Variants in FOXK1 observed in about 807,000 individuals in gnomAD.
FOXK1 encodes the protein forkhead box K1.
In FOXK1, 19 loss-of-function variants were observed where a neutral mutation model predicts 51.9. The ratio of observed to expected loss-of-function variants is 0.37; its 90% CI spans 0.26 to 0.54. FOXK1 has a LOEUF of 0.54. Ranked by LOEUF, FOXK1 falls within the 20% of genes least tolerant of loss-of-function variation. FOXK1 has a pLI of 0.87. For synonymous variants in FOXK1, 537 were observed against 482.6 expected, an observed-to-expected ratio of 1.11 and a Z score of -1.48; for missense variants, 870 against 1,032.7, an observed-to-expected ratio of 0.84 and a Z score of 2.16.
In FOXK1 at chr7:4,758,749, T is replaced by C; in HGVS notation, c.1245-302T>C. The stretch of plus-strand genomic sequence containing the variant: ...GCACAGAAGGCCTGGGCCATTTTCA[T>C]GGACACCTGGCTGGACCTCGGTGGA... On this transcript the variant is annotated intron_variant, in intron 5 of 8. Transcript: ENST00000328914. The surrounding 1 kb of genome is among the most constrained non-coding windows in gnomAD (Gnocchi z 4.4). 1 of 363,432 alleles carries C rather than the reference T, an allele frequency of 2.8e-6. No homozygotes were observed. Among genetic ancestry groups the C allele is most frequent in the Non-Finnish European group, 5.0e-6 (1 of 201,700 alleles). 22.5% of individuals were successfully genotyped at this position (363,432 alleles called of 1,614,324 possible).
In FOXK1 at chr7:4,765,396, CA is replaced by C. The variant is rs1429035124; in HGVS notation, c.*2933del. The C allele has an allele frequency of 2.0e-5, 3 of 152,294 alleles. No homozygotes were observed. The highest frequency in any genetic ancestry group is 4.4e-5 in the Non-Finnish European group (3 of 68,098). The allele number at this position is 152,294 out of a possible 1,614,324, so 9.4% of individuals were successfully genotyped here. A position where few individuals can be genotyped will look rare whatever the true frequency, so the allele number is the denominator to read the frequency against. ...CTTTCGCAGAAGCAAGAGCACAGGCCAGGGGGACCGGGAGAGCCTCAGCCCC... is the reference window on the plus strand; with the variant it reads ...CTTTCGCAGAAGCAAGAGCACAGGCCGGGGGACCGGGAGAGCCTCAGCCCC... On this transcript the variant is annotated 3_prime_UTR_variant, in exon 9 of 9. Coordinates refer to ENST00000328914, the MANE Select transcript of FOXK1 (RefSeq NM_001037165.2).
chr7:4,687,441 C>T (rs1418324991), intron 1 of FOXK1, among the ~76,000 whole-genome samples: 2 of 151,890 alleles, frequency 1.3e-5, no homozygotes, highest in African/African-American at 2.4e-5. Context: ...TACAGGCGCA[C>T]GTCACCACGC....
Position 4,723,835 on chromosome 7 carries a change from C to T in FOXK1, c.561-17003C>T, listed in dbSNP as rs1780344197. ...AGTGTGCACCACCACACCTGGCTGA[C>T]TTCTTTGTATTTTTGGTAAAGATGG... On this transcript the variant is annotated intron_variant, in intron 1 of 8. Transcript: ENST00000328914. This position sits in a 1 kb window ranked among gnomAD's most constrained non-coding sequence, Gnocchi z 4.7. Among the ~76,000 whole-genome samples the T allele has an allele frequency of 6.6e-6, 1 of 152,052 alleles. No individual in the cohort carries two copies.
At chr7:4,710,001 C>T (rs144278164) in intron 1 of FOXK1, among the ~76,000 whole-genome samples, 21 of 152,312 alleles carry the variant, frequency 1.4e-4, no homozygotes, top group African/African-American at 3.1e-4. Context: ...GATTTTTAAA[C>T]GTTAAATTGT....
Position 4,722,353 on chromosome 7 carries a change from T to G in FOXK1, c.561-18485T>G, listed in dbSNP as rs577358800. ...CCCAGATTCCCATTGTTGCCTCTTA[T>G]GTACTTTGGTCGTTCGTATTTCCTA... On this transcript the variant is annotated intron_variant, in intron 1 of 8. Coordinates refer to ENST00000328914, the MANE Select transcript of FOXK1 (RefSeq NM_001037165.2). The surrounding 1 kb of genome is among the most constrained non-coding windows in gnomAD (Gnocchi z 5.1). Among the ~76,000 whole-genome samples the G allele has an allele frequency of 6.6e-6, 1 of 152,254 alleles. No individual in the cohort carries two copies. The highest frequency in any genetic ancestry group is 1.5e-5 in the Non-Finnish European group (1 of 68,034).
Position 4,690,285 on chromosome 7 carries a change from G to A in FOXK1, c.560+7417G>A, listed in dbSNP as rs564500212. 1.5e-4 allele frequency among the ~76,000 whole-genome samples: 23 copies of A among 152,374 alleles called. No homozygotes were observed. The East Asian group carries it at 3.9e-3, about 26-fold the overall frequency. ...GAGGTTGGAGGGGGAGCCGCTTCGC[G>A]GAACGGGGTGAAGCTTTAGTTTCAG... On this transcript the variant is annotated intron_variant, in intron 1 of 8. Transcript: ENST00000328914.
rs1437515907 is a variant in FOXK1, at chr7:4,703,171, G to A, written c.560+20303G>A. 6.6e-5 allele frequency among the ~76,000 whole-genome samples: 10 copies of A among 152,164 alleles called. No homozygotes were observed. Among genetic ancestry groups the A allele is most frequent in the Non-Finnish European group, 7.3e-5 (5 of 68,034 alleles). ...TCAGGGGATTCCAGGGCAGGCGGCT[G>A]GGAGGGCGTTTCTGAGGAAGTGCTG... is the stretch of plus-strand genomic sequence containing the variant. On this transcript the variant is annotated intron_variant, in intron 1 of 8. Transcript: ENST00000328914. This position sits in a 1 kb window ranked among gnomAD's most constrained non-coding sequence, Gnocchi z 5.6.
intron 1 of FOXK1, among the ~76,000 whole-genome samples, chr7:4,693,007 C>T (rs1779913183): frequency 6.6e-6 from 1 of 152,234 alleles, no homozygotes; most frequent in East Asian, 1.9e-4. Context: ...TTAAGTCATC[C>T]TCTGCTATAA....
intron 1 of FOXK1, among the ~76,000 whole-genome samples, chr7:4,740,536 A>C (rs1365978262): frequency 6.6e-6 from 1 of 152,084 alleles, no homozygotes; most frequent in Non-Finnish European, 1.5e-5. Context: ...GCTTGAACCC[A>C]GGAGGCTGAG....
intron 2 of FOXK1, among the ~76,000 whole-genome samples, chr7:4,744,863 T>C (rs1305272531): frequency 6.6e-6 from 1 of 152,224 alleles, no homozygotes; most frequent in Admixed American, 6.5e-5. Context: ...GCGGAGAAAG[T>C]AGTAAGTTAG....
At position 4,749,623 on chromosome 7, in the gene FOXK1, A is replaced by C. The variant is rs1780749473; in HGVS notation, c.747-4836A>C. ...TGTCTCTAGGGCTTCAGGAGGGATC[A>C]GGTCCCTTCTGACAGAGCACTGTCC... On this transcript the variant is annotated intron_variant, in intron 2 of 8. Coordinates refer to ENST00000328914, the MANE Select transcript of FOXK1 (RefSeq NM_001037165.2). This position sits in a 1 kb window ranked among gnomAD's most constrained non-coding sequence, Gnocchi z 6.0. Among the ~76,000 whole-genome samples the C allele has an allele frequency of 6.6e-6, 1 of 152,184 alleles. No homozygotes were observed. Among genetic ancestry groups the C allele is most frequent in the Non-Finnish European group, 1.5e-5 (1 of 68,018 alleles).
rs1260764517 is a variant in FOXK1 at position 4,683,326 on chromosome 7, C to T, written c.560+458C>T. The stretch of plus-strand genomic sequence containing the variant: ...CCCCAGCTCCCATCGGCCTGGACTC[C>T]GGGGTCATTCTGAACTCCCACTGGC... On this transcript the variant is annotated intron_variant, in intron 1 of 8. Coordinates refer to ENST00000328914, the MANE Select transcript of FOXK1 (RefSeq NM_001037165.2). The surrounding 1 kb of genome is among the most constrained non-coding windows in gnomAD (Gnocchi z 4.5). Among the ~76,000 whole-genome samples, 2 of 151,920 alleles carry T rather than the reference C, an allele frequency of 1.3e-5. No individual in the cohort carries two copies. Among genetic ancestry groups the T allele is most frequent in the Admixed American group, 6.6e-5 (1 of 15,254 alleles).
chr7:4,736,266 T>A (rs957151920), intron 1 of FOXK1, among the ~76,000 whole-genome samples: 1 of 152,220 alleles, frequency 6.6e-6, no homozygotes, highest in Non-Finnish European at 1.5e-5. Context: ...TATTTATTGT[T>A]AAACTTTAAT....
intron 1 of FOXK1, among the ~76,000 whole-genome samples, chr7:4,698,029 T>C (rs992821453): frequency 1.3e-5 from 2 of 152,124 alleles, no homozygotes; most frequent in African/African-American, 2.4e-5. Context: ...TTCACCATGT[T>C]GGCCAGGCTG....
rs1252022806 is a variant in FOXK1, at chr7:4,703,167, G to A, written c.560+20299G>A. ...TCTCTCAGGGGATTCCAGGGCAGGC[G>A]GCTGGGAGGGCGTTTCTGAGGAAGT... On this transcript the variant is annotated intron_variant, in intron 1 of 8. Transcript: ENST00000328914. This position sits in a 1 kb window ranked among gnomAD's most constrained non-coding sequence, Gnocchi z 5.6. Among the ~76,000 whole-genome samples, 7 of 152,138 alleles carry A rather than the reference G, an allele frequency of 4.6e-5. No individual in the cohort carries two copies. Among genetic ancestry groups the A allele is most frequent in the South Asian group, 2.1e-4 (1 of 4,816 alleles).
rs768055959 is a variant in FOXK1, at chr7:4,759,305, G to A, written c.1412-6G>A. On this transcript the variant is annotated splice_region_variant and splice_polypyrimidine_tract_variant and intron_variant, in intron 6 of 8. Transcript: ENST00000328914. ...GGTCACCGTCCGCTCTCCGCCCTCC[G>A]TGCAGGCTCCCCCGTCAGCGCCCAG... 8 of 1,601,002 alleles carry A rather than the reference G, an allele frequency of 5.0e-6. No homozygotes were observed. Among genetic ancestry groups the A allele is most frequent in the Middle Eastern group, 3.3e-4 (2 of 6,058 alleles).
chr7:4,732,819 G>C (rs988798549), intron 1 of FOXK1, among the ~76,000 whole-genome samples: 1 of 152,152 alleles, frequency 6.6e-6, no homozygotes, highest in Non-Finnish European at 1.5e-5. Flanking sequence ...CTCCTCATCC[G>C]GAGCCGCGGG....
rs995921815 is a variant in FOXK1, at chr7:4,748,546, C to G, written c.747-5913C>G. ...AGGCCTTCCTCTGGGGCCCCTCTGA[C>G]CATGGGATCATCTTCTCCACCATCC... On this transcript the variant is annotated intron_variant, in intron 2 of 8. Transcript: ENST00000328914. The surrounding 1 kb of genome is among the most constrained non-coding windows in gnomAD (Gnocchi z 4.9). Among the ~76,000 whole-genome samples the G allele has an allele frequency of 2.6e-5, 4 of 152,154 alleles. No individual in the cohort carries two copies. Among genetic ancestry groups the G allele is most frequent in the African/African-American group, 9.7e-5 (4 of 41,430 alleles).
intron 1 of FOXK1, among the ~76,000 whole-genome samples, chr7:4,732,037 G>A (rs947000038): frequency 1.3e-5 from 2 of 152,138 alleles, no homozygotes; most frequent in Non-Finnish European, 2.9e-5. Context: ...GCTCCAGCCA[G>A]GCAGGTCTGA....
Sources: allele counts gnomAD v4.1 joint callset (sites outside exome capture counted in the v4.1 genomes callset), GRCh38; gene constraint gnomAD v4.1.1; non-coding constraint Gnocchi (gnomAD v3.1); transcripts MANE v1.5; gene names NCBI Gene and HGNC (gene_info 2026-07-23, HGNC 2026-07-21).